The following TMPRSS15 variants were observed in gnomAD, a reference collection of about 807,000 sequenced individuals.
The protein encoded by TMPRSS15 is transmembrane serine protease 15.
A neutral mutation model predicts 125.3 loss-of-function variants in TMPRSS15; 128 were observed. The ratio of observed to expected loss-of-function variants is 1.02; its 90% CI spans 0.89 to 1.18. The LOEUF (loss-of-function observed/expected upper bound fraction) is 1.18. Ranked by LOEUF, TMPRSS15 falls within the 50% of genes most tolerant of loss-of-function variation. The pLI, the probability that TMPRSS15 is intolerant of heterozygous loss-of-function variation, is 0.00. For missense variants in TMPRSS15, 1,283 were observed against 1,212.7 expected, an observed-to-expected ratio of 1.06 and a Z score of -0.86; for synonymous variants, 446 against 423.2, an observed-to-expected ratio of 1.05 and a Z score of -0.66.
At chr21:18,282,311 G>A (rs1395053014) in intron 21 of TMPRSS15, among the ~76,000 whole-genome samples, 1 of 151,930 alleles carries the variant, frequency 6.6e-6, no homozygotes, top group Non-Finnish European at 1.5e-5. Flanking sequence ...ATTGGCCTGC[G>A]ATTTCTTCAC....
At position 18,278,947 on chromosome 21, in the gene TMPRSS15, T is replaced by TTTTTA; in HGVS notation, c.2764+16_2764+17insTAAAA. ...AGGTTTTTTTTTTTTTTTTTTTTTT[T>TTTTTA]GAGTCTGATAATTTACCTTGATATA... On this transcript the variant is annotated intron_variant, in intron 23 of 24. Coordinates refer to ENST00000284885, the MANE Select transcript of TMPRSS15 (RefSeq NM_002772.3). The TTTTTA allele has an allele frequency of 1.1e-6, 1 of 884,078 alleles. No individual in the cohort carries two copies. The highest frequency in any genetic ancestry group is 1.7e-6 in the Non-Finnish European group (1 of 580,766). 54.8% of individuals were successfully genotyped at this position (884,078 alleles called of 1,614,324 possible). A position where few individuals can be genotyped will look rare whatever the true frequency, so the allele number is the denominator to read the frequency against.
chr21:18,312,857 T>G (rs2075115766), intron 18 of TMPRSS15, 88 bp downstream of exon 18: 1 of 1,518,432 alleles, frequency 6.6e-7, no homozygotes, highest in Non-Finnish European at 9.0e-7. Flanking sequence ...CATAACTTTA[T>G]AAATTTTAAA....
Position 18,281,040 on chromosome 21 carries a change from C to G in TMPRSS15, c.2668G>C (p.Asp890His). Residue 890 changes from aspartate to histidine, a missense_variant and splice_region_variant, in exon 22 of 25, where the codon GAT becomes CAT. Coordinates refer to ENST00000284885, the MANE Select transcript of TMPRSS15 (RefSeq NM_002772.3). Reference sequence around the variant, plus strand: ...ACTAAGAGTGATTTTTTTTTTTTACCTGTGTAATTCACTTTAAATTCCAGA... The same window carrying G: ...ACTAAGAGTGATTTTTTTTTTTTACGTGTGTAATTCACTTTAAATTCCAGA... ...MHLEFKVNYT[D>H]YIQPICLPEE... 4 of 1,606,732 alleles carry G rather than the reference C, an allele frequency of 2.5e-6. No homozygotes were observed. The highest frequency in any genetic ancestry group is 3.4e-6 in the Non-Finnish European group (4 of 1,177,896).
At chr21:18,323,960 A>G (rs2824742) in intron 16 of TMPRSS15, among the ~76,000 whole-genome samples, 28,486 of 152,134 alleles carry the variant, frequency 0.19, 2,642 homozygotes, top group African/African-American at 0.23. Context: ...GAGAAATATA[A>G]AGCTGATCTT....
At chr21:18,389,545 G>A (rs1569050827) in intron 3 of TMPRSS15, among the ~76,000 whole-genome samples, 1 of 152,050 alleles carries the variant, frequency 6.6e-6, no homozygotes, top group Non-Finnish European at 1.5e-5. Flanking sequence ...TAGTGAATTT[G>A]CCACTTAGAG....
chr21:18,353,099 G>T, intron 9 of TMPRSS15, 47 bp from the exon 10 acceptor site: 1 of 1,519,838 alleles, frequency 6.6e-7, no homozygotes, highest in Middle Eastern at 2.3e-4. Context: ...AGTCCATAAT[G>T]TGAGTAGTTA....
intron 1 of TMPRSS15, among the ~76,000 whole-genome samples, chr21:18,455,107 TC>T (rs1371050852): frequency 2.0e-5 from 3 of 152,096 alleles, no homozygotes; most frequent in African/African-American, 7.2e-5. Flanking sequence ...AGGGTTTTTT[TC>T]CTTCCTTCAC....
chr21:18,434,650 A>T (rs1177656441), intron 1 of TMPRSS15, among the ~76,000 whole-genome samples: 2 of 151,952 alleles, frequency 1.3e-5, no homozygotes, highest in African/African-American at 4.8e-5. Flanking sequence ...TTTCTAAAAT[A>T]TTTTTTTCTA....
At position 18,269,804 on chromosome 21, in the gene TMPRSS15, T is replaced by C; in HGVS notation, c.*165A>G. The C allele has an allele frequency of 1.4e-6, 1 of 706,060 alleles. No individual in the cohort carries two copies. The highest frequency in any genetic ancestry group is 2.3e-6 in the Non-Finnish European group (1 of 430,182). The allele number at this position is 706,060 out of a possible 1,614,324, so 43.7% of individuals were successfully genotyped here. A position where few individuals can be genotyped will look rare whatever the true frequency, so the allele number is the denominator to read the frequency against. ...TGTATTGCTATGGTGAATTTTATTA[T>C]TTTTAAAATTTTGTTTCCCTGGCCC... On this transcript the variant is annotated 3_prime_UTR_variant, in exon 25 of 25. Coordinates refer to ENST00000284885, the MANE Select transcript of TMPRSS15 (RefSeq NM_002772.3).
intron 24 of TMPRSS15, among the ~76,000 whole-genome samples, chr21:18,273,365 A>T (rs528997829): frequency 1.3e-5 from 2 of 152,346 alleles, no homozygotes; most frequent in African/African-American, 4.8e-5. Flanking sequence ...TTATTTAATC[A>T]GTTAATCCTG....
intron 1 of TMPRSS15, among the ~76,000 whole-genome samples, chr21:18,413,345 T>TTCCTTCCTTCCG (rs2076172029): frequency 4.9e-5 from 7 of 141,512 alleles, no homozygotes; most frequent in Admixed American, 7.1e-5. Flanking sequence ...CCTTCCTTCC[T>TTCCTTCCTTCCG]TCCTTCCTTC....
chr21:18,416,934 C>T (rs1404649884), intron 1 of TMPRSS15, among the ~76,000 whole-genome samples: 1 of 151,980 alleles, frequency 6.6e-6, no homozygotes, highest in Admixed American at 6.6e-5. Flanking sequence ...TTGAGATACA[C>T]CATGGCAGTC....
intron 5 of TMPRSS15, among the ~76,000 whole-genome samples, chr21:18,377,309 T>C (rs2075854104): frequency 6.6e-6 from 1 of 152,158 alleles, no homozygotes; most frequent in African/African-American, 2.4e-5. Context: ...CCCAGTATAA[T>C]AATCGTGTTT....
chr21:18,365,477 T>C (rs143815372), intron 6 of TMPRSS15, among the ~76,000 whole-genome samples: 1 of 151,282 alleles, frequency 6.6e-6, no homozygotes, highest in African/African-American at 2.5e-5. Flanking sequence ...TCTCTTTCTC[T>C]CTTTCTTTCT....
At position 18,269,992 on chromosome 21, in the gene TMPRSS15, A is replaced by G; in HGVS notation, c.3037T>C (p.Trp1013Arg). 6.2e-7 allele frequency: 1 copy of G among 1,613,924 alleles called. No homozygotes were observed. Among genetic ancestry groups the G allele is most frequent in the Non-Finnish European group, 8.5e-7 (1 of 1,179,848 alleles). ...CGCTAATGTAGAAAACTTTGTATCCATTCGGTAAACCTTGAGACCCTGGCA... is the reference window on the plus strand; with the variant it reads ...CGCTAATGTAGAAAACTTTGTATCCGTTCGGTAAACCTTGAGACCCTGGCA... Reference protein sequence around the residue: ...VYARVSRFTEWIQSFLH With the variant: ...VYARVSRFTERIQSFLH Residue 1013 changes from tryptophan to arginine, a missense_variant, in exon 25 of 25, where the codon TGG (tryptophan) becomes CGG (arginine). Trp to Arg is a moderately radical substitution (Grantham distance 101). Coordinates refer to ENST00000284885, the MANE Select transcript of TMPRSS15 (RefSeq NM_002772.3).
At chr21:18,313,811 T>C (rs1445150252) in intron 17 of TMPRSS15, among the ~76,000 whole-genome samples, 1 of 151,562 alleles carries the variant, frequency 6.6e-6, no homozygotes, top group Non-Finnish European at 1.5e-5. Context: ...CTGTGAAGAG[T>C]ATATATAAGA....
chr21:18,352,937 T>A lies in TMPRSS15; in HGVS notation c.1137A>T (p.Gly379=). 6.2e-7 allele frequency: 1 copy of A among 1,612,338 alleles called. No homozygotes were observed. Among genetic ancestry groups the A allele is most frequent in the Non-Finnish European group, 8.5e-7 (1 of 1,178,840 alleles). The stretch of plus-strand genomic sequence containing the variant: ...TGCCAAAAGTGTGGTCAAAATTGGG[T>A]CCAGTAAAAGGAGAAAAGGTGCTTC... The part of the protein sequence containing the change: ...IQGSTFSPFT[G]PNFDHTFGNA... The change falls in exon 10 of 25, where the codon GGA becomes GGT. Residue 379 remains glycine (G), a synonymous_variant. Coordinates refer to ENST00000284885, the MANE Select transcript of TMPRSS15 (RefSeq NM_002772.3).
chr21:18,293,708 CA>C (rs2074865741), intron 21 of TMPRSS15, among the ~76,000 whole-genome samples: 1 of 152,126 alleles, frequency 6.6e-6, no homozygotes, highest in Non-Finnish European at 1.5e-5. Flanking sequence ...TAGTATAAAA[CA>C]GAGTCAGATA....
chr21:18,347,605 G>A (rs1039832375), intron 10 of TMPRSS15, among the ~76,000 whole-genome samples: 41 of 151,946 alleles, frequency 2.7e-4, no homozygotes, highest in Admixed American at 2.6e-3. Flanking sequence ...AAGACACTTT[G>A]TTCATTTTTT....
Sources: allele counts gnomAD v4.1 joint callset (sites outside exome capture counted in the v4.1 genomes callset), GRCh38; gene constraint gnomAD v4.1.1; transcripts MANE v1.5; gene names NCBI Gene and HGNC (gene_info 2026-07-23, HGNC 2026-07-21).